KANK2: variants seen among roughly 807,000 people sequenced by gnomAD.
KANK2 encodes the protein KN motif and ankyrin repeat domain-containing protein 2.
In KANK2, 41 loss-of-function variants were observed where a neutral mutation model predicts 74.6. The observed-to-expected ratio is 0.55, with a 90% confidence interval of 0.43 to 0.71. The LOEUF is 0.71. KANK2 is among the 30% of genes least tolerant of loss of function. The pLI, the probability that KANK2 is intolerant of heterozygous loss-of-function variation, is 0.00. For missense variants in KANK2, 1,148 were observed against 1,196.4 expected (o/e 0.96, Z 0.60); for synonymous variants, 537 against 519.0 (o/e 1.03, Z -0.47).
At chr19:11,196,605 G>A (rs2079026984) in intron 1 of KANK2, 4 of 152,200 alleles carry the variant, frequency 2.6e-5, no homozygotes, top group Admixed American at 2.0e-4. Flanking sequence ...GGAGACTGAG[G>A]TCTGAGGGTA....
chr19:11,193,410 G>T lies in KANK2; in HGVS notation c.670C>A (p.Arg224=), dbSNP rs1382316751. Residue 224 remains arginine, a synonymous_variant, in exon 4 of 13, where the codon CGG becomes AGG. Coordinates refer to ENST00000586659, the MANE Select transcript of KANK2 (RefSeq NM_001136191.3). The surrounding 1 kb of genome is among the most constrained non-coding windows in gnomAD (Gnocchi z 9.6). ...VKLSVLQEEK[R]QLTVQLKSQK... Reference sequence around the variant, plus strand: ...CTCTTAAGTTGTACTGTGAGCTGCCGCTTTTCCTCCTGGAGCACCGAGAGC... The same window carrying T: ...CTCTTAAGTTGTACTGTGAGCTGCCTCTTTTCCTCCTGGAGCACCGAGAGC... 1 of 1,612,440 alleles carries T rather than the reference G, an allele frequency of 6.2e-7. No homozygotes were observed. The highest frequency in any genetic ancestry group is 2.2e-5 in the East Asian group (1 of 44,842).
intron 7 of KANK2, 150 bp from the exon 8 acceptor site, chr19:11,176,139 G>A: frequency 1.7e-6 from 1 of 593,484 alleles, no homozygotes; most frequent in South Asian, 2.4e-5. Flanking sequence ...CATTTACATT[G>A]CACCCCAAGG....
At position 11,174,146 on chromosome 19, in the gene KANK2, C is replaced by T. The variant is rs73504673; in HGVS notation, c.2068+327G>A. Reference sequence around the variant, plus strand: ...ACTGGGAAGGTGTCTCCTCCATCAGCCTGGGAGGGTGGCATCTCCTCCATC... The same window carrying T: ...ACTGGGAAGGTGTCTCCTCCATCAGTCTGGGAGGGTGGCATCTCCTCCATC... On this transcript the variant is annotated intron_variant, in intron 9 of 12. Transcript: ENST00000586659. Among the ~76,000 whole-genome samples the T allele has an allele frequency of 9.5e-3, 1,425 of 149,376 alleles. 16 individuals carry two copies. Among genetic ancestry groups the T allele is most frequent in the African/African-American group, 0.033 (1,346 of 40,594 alleles).
chr19:11,174,752 C>A (rs912306048), intron 8 of KANK2, 60 bp from the exon 9 acceptor site: 2 of 1,388,388 alleles, frequency 1.4e-6, no homozygotes, highest in East Asian at 5.0e-5. Flanking sequence ...GGGACACCCC[C>A]CACCCCAGAT....
At chr19:11,189,416 C>T (rs2078772731) in intron 4 of KANK2, among the ~76,000 whole-genome samples, 2 of 151,548 alleles carry the variant, frequency 1.3e-5, no homozygotes, top group Admixed American at 6.6e-5. Context: ...CCAGCCTGAC[C>T]AACATGGTGA....
intron 4 of KANK2, among the ~76,000 whole-genome samples, chr19:11,184,655 A>C (rs1324801193): frequency 2.0e-5 from 3 of 149,098 alleles, no homozygotes; most frequent in Non-Finnish European, 4.5e-5. Flanking sequence ...AATTTCACAT[A>C]ATCTTGTCAT....
rs1015878710 is a variant in KANK2 at position 11,171,683 on chromosome 19, AT to A, written c.2211+1297del. 4.3e-3 allele frequency among the ~76,000 whole-genome samples: 569 copies of A among 133,546 alleles called. 3 individuals carry two copies. Among genetic ancestry groups the A allele is most frequent in the African/African-American group, 0.012 (447 of 35,968 alleles). The allele number at this position is 133,546 out of a possible 152,430, so 87.6% of individuals were successfully genotyped here. A position where few individuals can be genotyped will look rare whatever the true frequency, so the allele number is the denominator to read the frequency against. On this transcript the variant is annotated intron_variant, in intron 10 of 12. Coordinates refer to ENST00000586659, the MANE Select transcript of KANK2 (RefSeq NM_001136191.3). ...AGCCACCTTGGTGAGCCTCACCTTA[AT>A]TTTTTTTTTTTTGAGATGGAGTCTC...
intron 1 of KANK2, chr19:11,196,895 GT>G (rs1288001560): frequency 9.4e-5 from 11 of 117,126 alleles, no homozygotes; most frequent in African/African-American, 3.7e-4. Flanking sequence ...GGTGGTGGTG[GT>G]GGGGGGGGGT....
Position 11,164,720 on chromosome 19 carries a change from ATCCATCCATC to A in KANK2, c.*1828_*1837del, listed in dbSNP as rs376394863. 0.52 allele frequency: 58,436 copies of A among 111,626 alleles called. 11,767 individuals carry two copies. Among genetic ancestry groups the A allele is most frequent in the Non-Finnish European group, 0.58 (28,421 of 48,930 alleles). The allele number at this position is 111,626 out of a possible 1,614,324, so 6.9% of individuals were successfully genotyped here. Reference sequence around the variant, plus strand: ...ACACCATCTATCTATTCATCCATCCATCCATCCATCCATCCATCCATCCATCCATCCATCC... The same window carrying A: ...ACACCATCTATCTATTCATCCATCCACATCCATCCATCCATCCATCCATCC... On this transcript the variant is annotated 3_prime_UTR_variant, in exon 13 of 13. Transcript: ENST00000586659.
At position 11,174,504 on chromosome 19, in the gene KANK2, G is replaced by A. The variant is rs1219105754; in HGVS notation, c.2037C>T (p.Asn679=). 1 of 1,613,148 alleles carries A rather than the reference G, an allele frequency of 6.2e-7. No individual in the cohort carries two copies. Among genetic ancestry groups the A allele is most frequent in the Non-Finnish European group, 8.5e-7 (1 of 1,179,658 alleles). Residue 679 remains asparagine (N), a synonymous_variant, in exon 9 of 13, where the codon AAC becomes AAT. Transcript: ENST00000586659. ...CGAGCAGCTGCTGCACCACGGGGAA[G>A]TTGGCATGAGACACGGAGTAGTGCA... ...TALHYSVSHA[N]FPVVQQLLDS...
intron 4 of KANK2, among the ~76,000 whole-genome samples, chr19:11,183,629 C>T (rs975698716): frequency 6.6e-5 from 10 of 151,984 alleles, no homozygotes; most frequent in Non-Finnish European, 1.3e-4. Context: ...GCTGGGACTA[C>T]AGGCATGCAC....
intron 8 of KANK2, among the ~76,000 whole-genome samples, chr19:11,174,941 T>C (rs1162590734): frequency 6.6e-6 from 1 of 150,568 alleles, no homozygotes; most frequent in African/African-American, 2.5e-5. Context: ...ACCCTGGATA[T>C]AATTTCTCTC....
Position 11,176,009 on chromosome 19 carries a change from C to T in KANK2, c.1761-20G>A, listed in dbSNP as rs745889192. 1.2e-5 allele frequency: 19 copies of T among 1,604,472 alleles called. No individual in the cohort carries two copies. The highest frequency in any genetic ancestry group is 8.9e-5 in the East Asian group (4 of 44,742). ...TCCATCCTGCCAGGAACAGACAAAG[C>T]GGGGAACTAAGTAAGCCCCGCTGCG... On this transcript the variant is annotated intron_variant, in intron 7 of 12. Transcript: ENST00000586659.
chr19:11,173,683 G>A (rs1568643319), intron 9 of KANK2, among the ~76,000 whole-genome samples: 1 of 152,176 alleles, frequency 6.6e-6, no homozygotes, highest in Non-Finnish European at 1.5e-5. Flanking sequence ...TAGGGCCCGT[G>A]CCTCCCCCAC....
chr19:11,175,781 T>A, intron 8 of KANK2, 121 bp downstream of exon 8: 5 of 644,332 alleles, frequency 7.8e-6, no homozygotes, highest in Non-Finnish European at 1.4e-5. Context: ...TGCTCTGGGC[T>A]TCAGTGTCAG....
chr19:11,167,923 C>T (rs1243959927), intron 12 of KANK2, among the ~76,000 whole-genome samples: 1 of 151,922 alleles, frequency 6.6e-6, no homozygotes, highest in Admixed American at 6.6e-5. Context: ...CACTCCCTAA[C>T]TTCTCCAGGT....
At chr19:11,179,317 CAAAA>C (rs34690548) in intron 4 of KANK2, among the ~76,000 whole-genome samples, 1 of 97,312 alleles carries the variant, frequency 1.0e-5, no homozygotes, top group Non-Finnish European at 2.1e-5. Context: ...CCCTGCCTCT[CAAAA>C]AAAAAAAAAA....
Position 11,165,939 on chromosome 19 carries a change from C to CT in KANK2, c.*618dup, listed in dbSNP as rs2147349123. On this transcript the variant is annotated 3_prime_UTR_variant, in exon 13 of 13. Coordinates refer to ENST00000586659, the MANE Select transcript of KANK2 (RefSeq NM_001136191.3). ...CTTCATCTGAATGAGGGTGAAAAGA[C>CT]TGAGTTTTCTGTCCCGGGTGACAAG... 1 of 152,384 alleles carries CT rather than the reference C, an allele frequency of 6.6e-6. No homozygotes were observed. The highest frequency in any genetic ancestry group is 2.4e-5 in the African/African-American group (1 of 41,558). 9.4% of individuals were successfully genotyped at this position (152,384 alleles called of 1,614,324 possible).
At chr19:11,166,672 A>C in intron 12 of KANK2, 61 bp from the exon 13 acceptor site, 1 of 1,518,320 alleles carries the variant, frequency 6.6e-7, no homozygotes, top group Non-Finnish European at 9.1e-7. Flanking sequence ...CGAGGCGCCA[A>C]CGTGGTGGCT....
Sources: gnomAD v4.1 joint callset for allele counts (sites outside exome capture counted in the v4.1 genomes callset) on GRCh38, gnomAD v4.1.1 for gene constraint, Gnocchi (gnomAD v3.1) non-coding constraint, MANE v1.5 for transcripts, NCBI Gene and HGNC (gene_info 2026-07-23, HGNC 2026-07-21) for gene names.